Variants in COL24A1 observed in about 807,000 individuals in gnomAD.
COL24A1 encodes collagen type XXIV alpha 1 chain.
A neutral mutation model predicts 253.9 loss-of-function variants in COL24A1; 224 were observed. The ratio of observed to expected loss-of-function variants is 0.88; its 90% CI spans 0.79 to 0.99. COL24A1 has a LOEUF of 0.99. Ranked by LOEUF, COL24A1 falls within the 50% of genes least tolerant of loss-of-function variation. The pLI is 0.00. For missense variants in COL24A1, 2,131 were observed against 2,068.5 expected, an observed-to-expected ratio of 1.03 and a Z score of -0.59; for synonymous variants, 685 against 673.7, an observed-to-expected ratio of 1.02 and a Z score of -0.26.
At position 86,032,678 on chromosome 1, in the gene COL24A1, A is replaced by G. The variant is rs1698672701; in HGVS notation, c.2005-756T>C. ...TTTTGCATTTCAAATTCTGTTTGGA[A>G]ACAAAGGCAGAGAATATACTATAGA... On this transcript the variant is annotated intron_variant, in intron 13 of 59. Transcript: ENST00000370571. Among the ~76,000 whole-genome samples, 4 of 152,150 alleles carry G rather than the reference A, an allele frequency of 2.6e-5. No individual in the cohort carries two copies. In the South Asian group the frequency reaches 8.3e-4, roughly 31 times the overall value.
At chr1:85,784,854 CT>C (rs1669517883) in intron 48 of COL24A1, among the ~76,000 whole-genome samples, 1 of 152,092 alleles carries the variant, frequency 6.6e-6, no homozygotes, top group African/African-American at 2.4e-5. Flanking sequence ...ACTCAGTCTC[CT>C]GAGTAGCTGG....
intron 55 of COL24A1, among the ~76,000 whole-genome samples, chr1:85,760,882 C>T (rs1666782628): frequency 6.6e-6 from 1 of 152,120 alleles, no homozygotes; most frequent in African/African-American, 2.4e-5. Context: ...GCAGAAGCAA[C>T]ATAAACATTG....
chr1:85,786,544 G>T, intron 47 of COL24A1, 83 bp from the exon 48 acceptor site: 9 of 1,295,102 alleles, frequency 6.9e-6, no homozygotes, highest in African/African-American at 1.5e-5. Flanking sequence ...AGGAAGAGTT[G>T]TGCCCCGAAA....
intron 14 of COL24A1, among the ~76,000 whole-genome samples, chr1:86,025,651 G>A (rs1393349540): frequency 1.3e-5 from 2 of 152,124 alleles, no homozygotes; most frequent in East Asian, 1.9e-4. Flanking sequence ...CTGCTGCTCC[G>A]GGCAAGCAGA....
At chr1:85,824,274 G>C (rs1558262944) in intron 43 of COL24A1, among the ~76,000 whole-genome samples, 1 of 152,152 alleles carries the variant, frequency 6.6e-6, no homozygotes, top group Non-Finnish European at 1.5e-5. Context: ...CAGGAGTGTG[G>C]CCCTAGAGCC....
At chr1:86,057,833 A>G in intron 10 of COL24A1, 98 bp downstream of exon 10, 1 of 1,034,750 alleles carries the variant, frequency 9.7e-7, no homozygotes, top group South Asian at 1.6e-5. Flanking sequence ...AATTAAATTC[A>G]AAGCTACTAA....
intron 24 of COL24A1, among the ~76,000 whole-genome samples, chr1:85,915,957 G>A: frequency 6.6e-6 from 1 of 152,160 alleles, no homozygotes; most frequent in Non-Finnish European, 1.5e-5. Context: ...CTAGGGGAGT[G>A]AATGCAGTAG....
chr1:85,805,807 G>A (rs1250434350), intron 47 of COL24A1, among the ~76,000 whole-genome samples: 1 of 152,168 alleles, frequency 6.6e-6, no homozygotes, highest in Non-Finnish European at 1.5e-5. Context: ...CGGGCGCGGT[G>A]GCTCACGCCT....
chr1:85,881,373 T>C (rs368200707), intron 32 of COL24A1, among the ~76,000 whole-genome samples: 1 of 151,756 alleles, frequency 6.6e-6, no homozygotes, highest in Non-Finnish European at 1.5e-5. Context: ...TTTGTGGAAA[T>C]ATTGGGAGGC....
At chr1:85,905,114 G>A (rs573321072) in intron 28 of COL24A1, among the ~76,000 whole-genome samples, 124 of 152,170 alleles carry the variant, frequency 8.1e-4, no homozygotes, top group African/African-American at 2.8e-3. Flanking sequence ...CTGTGCAAAT[G>A]TACTTAGGGC....
At chr1:86,107,599 A>C (rs934046963) in intron 5 of COL24A1, among the ~76,000 whole-genome samples, 1 of 151,704 alleles carries the variant, frequency 6.6e-6, no homozygotes, top group Non-Finnish European at 1.5e-5. Context: ...CAGTGGCCCG[A>C]TCTTGGCTCA....
intron 5 of COL24A1, among the ~76,000 whole-genome samples, chr1:86,097,486 C>T (rs1571906452): frequency 6.5e-5 from 3 of 46,320 alleles, no homozygotes; most frequent in Non-Finnish European, 1.3e-4. Flanking sequence ...CCCTCCTCCT[C>T]CTCCCTCCTC....
At chr1:85,776,168 A>G (rs1470204855) in intron 52 of COL24A1, among the ~76,000 whole-genome samples, 2 of 152,038 alleles carry the variant, frequency 1.3e-5, no homozygotes, top group African/African-American at 2.4e-5. Flanking sequence ...AATATTTTCT[A>G]ATTTTCTTGG....
Position 86,125,828 on chromosome 1 carries a change from T to A in COL24A1, c.508A>T (p.Ile170Phe). The A allele has an allele frequency of 6.2e-7, 1 of 1,613,362 alleles. No homozygotes were observed. The highest frequency in any genetic ancestry group is 8.5e-7 in the Non-Finnish European group (1 of 1,179,714). Residue 170 changes from isoleucine (I) to phenylalanine (F), a missense_variant, in exon 3 of 60, where the codon ATT (isoleucine) becomes TTT (phenylalanine). By Grantham distance (21) the Ile-to-Phe change is conservative (BLOSUM62 0). Transcript: ENST00000370571. ...AACATTGAGACACTTTGGTTTCTAA[T>A]AGTAATGGCAAATGAGTGCCATTGC... ...DEQWHSFAITIRNQSVSMFVE... is the reference protein window; with the variant it reads ...DEQWHSFAITFRNQSVSMFVE...
chr1:85,860,219 A>G (rs1678981437), intron 37 of COL24A1, among the ~76,000 whole-genome samples: 1 of 152,216 alleles, frequency 6.6e-6, no homozygotes, highest in East Asian at 1.9e-4. Flanking sequence ...TATCATGTAT[A>G]TGAATTATGT....
At chr1:85,836,028 C>A (rs189589575) in intron 43 of COL24A1, among the ~76,000 whole-genome samples, 7 of 152,296 alleles carry the variant, frequency 4.6e-5, no homozygotes, top group Admixed American at 1.3e-4. Context: ...AACGAAGGGA[C>A]ACAGAGAATA....
At chr1:85,828,346 T>A (rs943169425) in intron 43 of COL24A1, among the ~76,000 whole-genome samples, 88 of 151,768 alleles carry the variant, frequency 5.8e-4, no homozygotes, top group African/African-American at 2.1e-3. Context: ...CTTCCAAGTA[T>A]GTGGTCAATT....
At chr1:85,831,164 A>G (rs1315177871) in intron 43 of COL24A1, among the ~76,000 whole-genome samples, 1 of 152,096 alleles carries the variant, frequency 6.6e-6, no homozygotes, top group Non-Finnish European at 1.5e-5. Flanking sequence ...GCCTTAGCAA[A>G]ACATGAGCAG....
intron 52 of COL24A1, among the ~76,000 whole-genome samples, chr1:85,776,214 G>T (rs1472404805): frequency 6.6e-6 from 1 of 152,094 alleles, no homozygotes; most frequent in Non-Finnish European, 1.5e-5. Context: ...ATTTAGAAGT[G>T]TGTGATTTAA....
Sources: gnomAD v4.1 joint callset for allele counts (sites outside exome capture counted in the v4.1 genomes callset) on GRCh38, gnomAD v4.1.1 for gene constraint, MANE v1.5 for transcripts, NCBI Gene and HGNC (gene_info 2026-07-23, HGNC 2026-07-21) for gene names.